Variants in MAP3K4 observed in about 807,000 individuals in gnomAD.
The protein encoded by MAP3K4 is mitogen-activated protein kinase kinase kinase 4.
MAP3K4 carries 67 observed loss-of-function variants against 185.6 expected under a neutral mutation model. The ratio of observed to expected loss-of-function variants is 0.36; its 90% CI spans 0.30 to 0.44. The LOEUF is 0.44. MAP3K4 is among the 20% of genes least tolerant of loss of function. The probability of loss-of-function intolerance (pLI) is 1.00; values close to 1 mark genes in which losing one functional copy is unlikely to be tolerated. For synonymous variants in MAP3K4, 702 were observed against 710.4 expected, an observed-to-expected ratio of 0.99 and a Z score of 0.19; for missense variants, 1,551 against 1,995.1, an observed-to-expected ratio of 0.78 and a Z score of 4.24.
chr6:161,015,779 T>C (rs1782072874), intron 1 of MAP3K4, among the ~76,000 whole-genome samples: 1 of 152,126 alleles, frequency 6.6e-6, no homozygotes, highest in African/African-American at 2.4e-5. Context: ...ATTCACTCAT[T>C]ACTATGAGGC....
rs1778373729 is a variant in MAP3K4, at chr6:161,112,019, A to G, written c.4519+61A>G. 2 of 1,594,104 alleles carry G rather than the reference A, an allele frequency of 1.3e-6. No homozygotes were observed. The highest frequency in any genetic ancestry group is 1.3e-5 in the African/African-American group (1 of 74,540). On this transcript the variant is annotated intron_variant, in intron 24 of 26. Transcript: ENST00000392142. The surrounding 1 kb of genome is among the most constrained non-coding windows in gnomAD (Gnocchi z 5.1). Reference sequence around the variant, plus strand: ...TTCATGCAGCCTGCTTGGGGCCTGCATGTTCCCTTCACCTTTGTTTGTCAG... The same window carrying G: ...TTCATGCAGCCTGCTTGGGGCCTGCGTGTTCCCTTCACCTTTGTTTGTCAG...
rs990749010 is a variant in MAP3K4, at chr6:161,098,147, A to G, written c.3525-131A>G. The G allele has an allele frequency of 8.1e-5, 92 of 1,137,596 alleles. No homozygotes were observed. Among genetic ancestry groups the G allele is most frequent in the Non-Finnish European group, 1.1e-4 (89 of 809,052 alleles). 70.5% of individuals were successfully genotyped at this position (1,137,596 alleles called of 1,614,324 possible). A position where few individuals can be genotyped will look rare whatever the true frequency, so the allele number is the denominator to read the frequency against. ...TTTTTACACCTAGACTCAAATCTCA[A>G]AGAACAATTTGCATTTTATATTTTT... On this transcript the variant is annotated intron_variant, in intron 16 of 26. Coordinates refer to ENST00000392142, the MANE Select transcript of MAP3K4 (RefSeq NM_005922.4). This position sits in a 1 kb window ranked among gnomAD's most constrained non-coding sequence, Gnocchi z 4.4.
chr6:161,074,295 A>G lies in MAP3K4; in HGVS notation c.2097+683A>G, dbSNP rs1403079002. 4.6e-5 allele frequency among the ~76,000 whole-genome samples: 7 copies of G among 152,238 alleles called. No homozygotes were observed. Among genetic ancestry groups the G allele is most frequent in the Non-Finnish European group, 8.8e-5 (6 of 68,040 alleles). On this transcript the variant is annotated intron_variant, in intron 5 of 26. Transcript: ENST00000392142. The surrounding 1 kb of genome is among the most constrained non-coding windows in gnomAD (Gnocchi z 5.0). ...GGAGTAGACCTATTTTTATTTTGTC[A>G]TAAAAAGAGACCTCCTGTCTTCTCA...
In MAP3K4 at chr6:161,112,098, A is replaced by C; in HGVS notation, c.4519+140A>C. ...CAGTCGTGAGAAGGACCACTTCCTCACACACTTGGGCTCCCACGCAAGAGC... is the reference window on the plus strand; with the variant it reads ...CAGTCGTGAGAAGGACCACTTCCTCCCACACTTGGGCTCCCACGCAAGAGC... On this transcript the variant is annotated intron_variant, in intron 24 of 26. Transcript: ENST00000392142. This position sits in a 1 kb window ranked among gnomAD's most constrained non-coding sequence, Gnocchi z 5.1. The C allele has an allele frequency of 1.5e-5, 17 of 1,111,412 alleles. No individual in the cohort carries two copies. The highest frequency in any genetic ancestry group is 2.0e-5 in the Non-Finnish European group (16 of 796,108). 68.8% of individuals were successfully genotyped at this position (1,111,412 alleles called of 1,614,324 possible).
In MAP3K4 at chr6:161,080,107, G is replaced by A. The variant is rs1213557039; in HGVS notation, c.2098-774G>A. On this transcript the variant is annotated intron_variant, in intron 5 of 26. Transcript: ENST00000392142. This position sits in a 1 kb window ranked among gnomAD's most constrained non-coding sequence, Gnocchi z 4.8. ...CTGAGTCACACTCGGGGTTGGAAGG[G>A]AGTGGAGTGATGTCTGAAAAGTTCC... Among the ~76,000 whole-genome samples, 2 of 152,168 alleles carry A rather than the reference G, an allele frequency of 1.3e-5. No individual in the cohort carries two copies. The highest frequency in any genetic ancestry group is 4.8e-5 in the African/African-American group (2 of 41,450).
intron 18 of MAP3K4, among the ~76,000 whole-genome samples, 176 bp from the exon 19 acceptor site, chr6:161,102,523 G>A (rs1777881369): frequency 1.3e-5 from 2 of 152,104 alleles, no homozygotes; most frequent in South Asian, 4.1e-4. Context: ...CTTAGTTGGT[G>A]CAATTTTTAG....
intron 6 of MAP3K4, among the ~76,000 whole-genome samples, chr6:161,083,039 G>A (rs761948534): frequency 3.4e-4 from 51 of 151,994 alleles, no homozygotes; most frequent in South Asian, 8.3e-4. Context: ...TCCTGTGCTC[G>A]CTTCCCAGCC....
In MAP3K4 at chr6:160,991,849, C is replaced by T. The variant is rs1780707894; in HGVS notation, c.-83C>T. 2.9e-6 allele frequency: 4 copies of T among 1,382,640 alleles called. No homozygotes were observed. The highest frequency in any genetic ancestry group is 3.7e-6 in the Non-Finnish European group (4 of 1,074,436). 85.6% of individuals were successfully genotyped at this position (1,382,640 alleles called of 1,614,324 possible). A position where few individuals can be genotyped will look rare whatever the true frequency, so the allele number is the denominator to read the frequency against. On this transcript the variant is annotated 5_prime_UTR_variant, in exon 1 of 27. Coordinates refer to ENST00000392142, the MANE Select transcript of MAP3K4 (RefSeq NM_005922.4). The surrounding 1 kb of genome is among the most constrained non-coding windows in gnomAD (Gnocchi z 5.7). ...GGTAGAGGCGGAGGCGGAGTCGAGT[C>T]ACTCCCGCACTTCGGGGCTCCGGTG...
chr6:161,072,641 T>A (rs1784999866), intron 4 of MAP3K4, among the ~76,000 whole-genome samples: 1 of 152,218 alleles, frequency 6.6e-6, no homozygotes, highest in African/African-American at 2.4e-5. Context: ...GAGTCATACA[T>A]TTTTAGACTC....
intron 19 of MAP3K4, among the ~76,000 whole-genome samples, chr6:161,105,005 C>A (rs1226481916): frequency 6.6e-6 from 1 of 152,108 alleles, no homozygotes; most frequent in East Asian, 1.9e-4. Flanking sequence ...AACATAGGCT[C>A]TTGGGTAGCT....
At chr6:161,047,739 C>T (rs970086505) in intron 2 of MAP3K4, among the ~76,000 whole-genome samples, 2 of 152,044 alleles carry the variant, frequency 1.3e-5, no homozygotes, top group African/African-American at 4.8e-5. Context: ...AGTGTAAGAA[C>T]CCAGAAGCAA....
chr6:161,029,580 A>G (rs1286622436), intron 1 of MAP3K4, among the ~76,000 whole-genome samples: 1 of 152,228 alleles, frequency 6.6e-6, no homozygotes, highest in East Asian at 1.9e-4. Flanking sequence ...TTAGTACCAG[A>G]AAGACATTTC....
At chr6:161,020,905 C>T (rs1349130772) in intron 1 of MAP3K4, among the ~76,000 whole-genome samples, 7 of 152,094 alleles carry the variant, frequency 4.6e-5, no homozygotes, top group African/African-American at 1.7e-4. Flanking sequence ...CCTTTAAGCC[C>T]CACATTTCCA....
At chr6:161,057,955 T>C (rs1259286432) in intron 3 of MAP3K4, among the ~76,000 whole-genome samples, 2 of 152,250 alleles carry the variant, frequency 1.3e-5, no homozygotes, top group African/African-American at 2.4e-5. Flanking sequence ...ACAGGTAGGA[T>C]AGAAGTCATC....
At chr6:161,059,692 CTGT>C (rs1375059729) in intron 3 of MAP3K4, among the ~76,000 whole-genome samples, 1 of 152,044 alleles carries the variant, frequency 6.6e-6, no homozygotes, top group African/African-American at 2.4e-5. Context: ...ATAGTCATGT[CTGT>C]TGTTATTTTA....
rs1394608794 is a variant in MAP3K4, at chr6:161,098,652, G to C, written c.3674+225G>C. On this transcript the variant is annotated intron_variant, in intron 17 of 26. Transcript: ENST00000392142. The surrounding 1 kb of genome is among the most constrained non-coding windows in gnomAD (Gnocchi z 4.4). ...CAGTATTTCTTTGGAGCTGATATTA[G>C]CCAAAATGACTAAAGACTTTGCGAA... 6.6e-6 allele frequency among the ~76,000 whole-genome samples: 1 copy of C among 152,156 alleles called. No individual in the cohort carries two copies. The highest frequency in any genetic ancestry group is 1.5e-5 in the Non-Finnish European group (1 of 68,034).
intron 6 of MAP3K4, among the ~76,000 whole-genome samples, chr6:161,081,514 C>T (rs996067117): frequency 9.2e-5 from 14 of 152,272 alleles, no homozygotes; most frequent in Non-Finnish European, 2.1e-4. Context: ...GTATTTTAAG[C>T]ATTTTTACTG....
chr6:161,111,762 C>T (rs1257598102), intron 23 of MAP3K4, 74 bp from the exon 24 acceptor site: 9 of 1,412,210 alleles, frequency 6.4e-6, no homozygotes, highest in African/African-American at 2.8e-5. Flanking sequence ...AGTTCCTGGT[C>T]GTTTAGATTA....
In MAP3K4 at chr6:161,108,679, G is replaced by T. The variant is rs1778215592; in HGVS notation, c.4120-64G>T. On this transcript the variant is annotated intron_variant, in intron 21 of 26. Transcript: ENST00000392142. The surrounding 1 kb of genome is among the most constrained non-coding windows in gnomAD (Gnocchi z 5.7). ...ATGGGGTGCAAAATGATGTTTCAGTGTATGTGTATAATGTAGAGTGATTAA... is the reference window on the plus strand; with the variant it reads ...ATGGGGTGCAAAATGATGTTTCAGTTTATGTGTATAATGTAGAGTGATTAA... 2.3e-6 allele frequency: 2 copies of T among 880,524 alleles called. No individual in the cohort carries two copies. Among genetic ancestry groups the T allele is most frequent in the Admixed American group, 3.5e-5 (2 of 56,952 alleles). The allele number at this position is 880,524 out of a possible 1,614,324, so 54.5% of individuals were successfully genotyped here. A position where few individuals can be genotyped will look rare whatever the true frequency, so the allele number is the denominator to read the frequency against.
Sources: allele counts gnomAD v4.1 joint callset (sites outside exome capture counted in the v4.1 genomes callset), GRCh38; gene constraint gnomAD v4.1.1; non-coding constraint Gnocchi (gnomAD v3.1); transcripts MANE v1.5; gene names NCBI Gene and HGNC (gene_info 2026-07-23, HGNC 2026-07-21).